The following SETD3 variants were observed in gnomAD, a reference collection of about 807,000 sequenced individuals.
SETD3 encodes the protein SET domain containing 3, actin N3(tau)-histidine methyltransferase, also known as actin-histidine N-methyltransferase.
SETD3 carries 19 observed loss-of-function variants against 63.0 expected under a neutral mutation model. The ratio of observed to expected loss-of-function variants is 0.30; its 90% CI spans 0.21 to 0.44. The LOEUF is 0.44. SETD3 is among the 20% of genes least tolerant of loss of function. The pLI, the probability that SETD3 is intolerant of heterozygous loss-of-function variation, is 1.00. For synonymous variants in SETD3, 286 were observed against 264.1 expected (o/e 1.08, Z -0.80); for missense variants, 587 against 728.5 (o/e 0.81, Z 2.24).
At chr14:99,421,745 T>A (rs1054472520) in intron 6 of SETD3, among the ~76,000 whole-genome samples, 1 of 152,088 alleles carries the variant, frequency 6.6e-6, no homozygotes, top group Admixed American at 6.6e-5. Context: ...ATTCTACAGA[T>A]GAGGAAACTG....
At chr14:99,430,772 C>A (rs1161282772) in intron 6 of SETD3, among the ~76,000 whole-genome samples, 2 of 152,176 alleles carry the variant, frequency 1.3e-5, no homozygotes, top group Admixed American at 6.5e-5. Flanking sequence ...CACAGCAGAT[C>A]CTCCACGAGC....
chr14:99,406,626 C>A, intron 8 of SETD3, 36 bp from the exon 9 acceptor site: 1 of 1,569,710 alleles, frequency 6.4e-7, no homozygotes, highest in Non-Finnish European at 8.8e-7. Flanking sequence ...GATGGTGAGG[C>A]AAACACACGC....
intron 6 of SETD3, among the ~76,000 whole-genome samples, chr14:99,415,042 G>A (rs1892216625): frequency 6.6e-6 from 1 of 152,204 alleles, no homozygotes; most frequent in African/African-American, 2.4e-5. Flanking sequence ...GAAAACAAAA[G>A]CTTGTGCTCA....
chr14:99,473,959 G>A (rs767263581), intron 1 of SETD3, among the ~76,000 whole-genome samples: 8 of 152,270 alleles, frequency 5.3e-5, no homozygotes, highest in Non-Finnish European at 7.4e-5. Context: ...TAGTAGCAGC[G>A]CCATGCCATA....
At chr14:99,448,854 T>A (rs1044933272) in intron 6 of SETD3, among the ~76,000 whole-genome samples, 1 of 152,236 alleles carries the variant, frequency 6.6e-6, no homozygotes, top group African/African-American at 2.4e-5. Context: ...ACAGTCACTC[T>A]TGGAACTCTG....
intron 4 of SETD3, among the ~76,000 whole-genome samples, chr14:99,460,859 C>T (rs960646118): frequency 6.6e-5 from 10 of 152,200 alleles, no homozygotes; most frequent in Admixed American, 5.9e-4. Context: ...CACTCACCTC[C>T]AGTAAGTTAC....
chr14:99,440,650 G>A (rs1046484641), intron 6 of SETD3, among the ~76,000 whole-genome samples: 2 of 151,988 alleles, frequency 1.3e-5, no homozygotes, highest in Admixed American at 6.6e-5. Flanking sequence ...CCAGTAAGAA[G>A]GTGCAGAAAG....
intron 6 of SETD3, among the ~76,000 whole-genome samples, chr14:99,454,087 A>G (rs1894618132): frequency 6.6e-6 from 1 of 152,212 alleles, no homozygotes; most frequent in Non-Finnish European, 1.5e-5. Flanking sequence ...ATGGTAAGTC[A>G]CTTAACATGG....
At chr14:99,446,260 T>C (rs1459994163) in intron 6 of SETD3, among the ~76,000 whole-genome samples, 3 of 152,192 alleles carry the variant, frequency 2.0e-5, no homozygotes, top group African/African-American at 7.2e-5. Flanking sequence ...AACACTGTCT[T>C]AGGAGAAAGC....
At chr14:99,465,414 T>C (rs1797025987) in intron 2 of SETD3, among the ~76,000 whole-genome samples, 1 of 152,178 alleles carries the variant, frequency 6.6e-6, no homozygotes, top group African/African-American at 2.4e-5. Context: ...TAGAGCTTCT[T>C]CTCGCCCACA....
chr14:99,445,758 T>C (rs1380352633), intron 6 of SETD3, among the ~76,000 whole-genome samples: 1 of 152,172 alleles, frequency 6.6e-6, no homozygotes, highest in Non-Finnish European at 1.5e-5. Context: ...ATTAACAGGT[T>C]CCCTCTTCTA....
chr14:99,482,459 G>A (rs1896367349), upstream of SETD3, among the ~76,000 whole-genome samples: 1 of 152,188 alleles, frequency 6.6e-6, no homozygotes, highest in East Asian at 1.9e-4. Context: ...GATGGTAGTG[G>A]TAGTAGTATT....
chr14:99,458,557 C>T (rs2139773351), intron 5 of SETD3, 22 bp from the exon 6 acceptor site: 1 of 1,599,864 alleles, frequency 6.3e-7, no homozygotes, highest in East Asian at 2.2e-5. Context: ...CAGAAGTTAA[C>T]AGCGTAAGTT....
chr14:99,400,351 C>G (rs1244663115), intron 11 of SETD3, 92 bp from the exon 12 acceptor site: 1 of 1,366,062 alleles, frequency 7.3e-7, no homozygotes, highest in Non-Finnish European at 1.0e-6. Context: ...TTGTTTCCAA[C>G]AACGCCATTT....
At chr14:99,480,505 C>G (rs913885700) in intron 1 of SETD3, among the ~76,000 whole-genome samples, 17 of 150,946 alleles carry the variant, frequency 1.1e-4, no homozygotes, top group African/African-American at 4.1e-4. Context: ...CCGACCGGCG[C>G]CCTCCGACCC....
At chr14:99,458,102 C>T (rs527709508) in intron 6 of SETD3, among the ~76,000 whole-genome samples, 177 bp downstream of exon 6, 4 of 152,192 alleles carry the variant, frequency 2.6e-5, no homozygotes, top group Admixed American at 6.5e-5. Flanking sequence ...TATATGTAAC[C>T]GCATTTCATT....
intron 6 of SETD3, among the ~76,000 whole-genome samples, chr14:99,431,491 G>A (rs565194831): frequency 6.6e-6 from 1 of 151,916 alleles, no homozygotes; most frequent in Non-Finnish European, 1.5e-5. Flanking sequence ...GCATTAGTAG[G>A]AATTTTTTTT....
intron 8 of SETD3, among the ~76,000 whole-genome samples, chr14:99,409,515 T>C (rs1205142887): frequency 6.6e-6 from 1 of 152,176 alleles, no homozygotes; most frequent in African/African-American, 2.4e-5. Context: ...ACCACTCACA[T>C]CTGTGGCTGG....
At chr14:99,403,482 C>CTCTCTCTCTCTCTG (rs1891510312) in intron 11 of SETD3, among the ~76,000 whole-genome samples, 1 of 120,458 alleles carries the variant, frequency 8.3e-6, no homozygotes, top group East Asian at 2.5e-4. Flanking sequence ...CTCTCTCTCT[C>CTCTCTCTCTCTCTG]TCTCTCTTTC....
Sources: allele counts gnomAD v4.1 joint callset (sites outside exome capture counted in the v4.1 genomes callset), GRCh38; gene constraint gnomAD v4.1.1; transcripts MANE v1.5; gene names NCBI Gene and HGNC (gene_info 2026-07-23, HGNC 2026-07-21).